Variants in PCLO observed in about 807,000 individuals in gnomAD.
PCLO encodes piccolo presynaptic cytomatrix protein, also known as protein piccolo.
Under a neutral mutation model 427.5 loss-of-function variants are expected in PCLO, and 82 were observed. The ratio of observed to expected loss-of-function variants is 0.19; its 90% confidence interval spans 0.16 to 0.23. The LOEUF is 0.23. Ranked by LOEUF, PCLO falls within the 10% of genes least tolerant of loss-of-function variation. The probability of loss-of-function intolerance (pLI) is 1.00; values close to 1 mark genes in which losing one functional copy is unlikely to be tolerated. For synonymous variants in PCLO, 2,357 were observed against 2,155.4 expected (o/e 1.09, Z -2.59); for missense variants, 6,239 against 6,115.9 (o/e 1.02, Z -0.67).
chr7:83,069,580 C>T (rs1261878923), intron 3 of PCLO, among the ~76,000 whole-genome samples: 2 of 151,980 alleles, frequency 1.3e-5, no homozygotes, highest in Admixed American at 6.6e-5. Context: ...CATATACACA[C>T]GTATTCTAAA....
At position 82,821,082 on chromosome 7, in the gene PCLO, G is replaced by C. The variant is rs1179064863; in HGVS notation, c.14791+1413C>G. ...CTTTAAATTTGGGGATGTTCTTGCT[G>C]TGTGCTTTGAACAGGGCCTTTCTGC... On this transcript the variant is annotated intron_variant, in intron 20 of 24. Transcript: ENST00000333891. 2.7e-6 allele frequency: 3 copies of C among 1,100,874 alleles called. No individual in the cohort carries two copies. The East Asian group carries it at 1.5e-4, about 57-fold the overall frequency. 68.2% of individuals were successfully genotyped at this position (1,100,874 alleles called of 1,614,324 possible).
chr7:83,013,753 T>A (rs1038803774), intron 3 of PCLO, among the ~76,000 whole-genome samples: 2 of 152,238 alleles, frequency 1.3e-5, no homozygotes, highest in Non-Finnish European at 2.9e-5. Context: ...AGTCTTCTAA[T>A]GGATTTAAAA....
At chr7:82,951,781 AT>A in intron 5 of PCLO, 74 bp downstream of exon 5, 2 of 1,510,206 alleles carry the variant, frequency 1.3e-6, no homozygotes, top group Non-Finnish European at 1.8e-6. Flanking sequence ...AAGAAGCCAC[AT>A]TTTCATCCTG....
In PCLO at chr7:82,916,847, G is replaced by T. The variant is rs987999926; in HGVS notation, c.11139C>A (p.Ser3713=). ...TTTTAACTTTTTTCTGGGCTCCAGA[G>T]GATGTCATGGTTTGAGAACCTTTAG... ...YTTKGSQTMT[S]SGAQKKVKRT... The change falls in exon 7 of 25, where the codon TCC becomes TCA. Residue 3713 remains serine, a synonymous_variant. Coordinates refer to ENST00000333891, the MANE Select transcript of PCLO (RefSeq NM_033026.6). 6 of 1,612,852 alleles carry T rather than the reference G, an allele frequency of 3.7e-6. No individual in the cohort carries two copies. Among genetic ancestry groups the T allele is most frequent in the Admixed American group, 1.7e-5 (1 of 59,902 alleles).
intron 3 of PCLO, among the ~76,000 whole-genome samples, chr7:83,128,758 T>C (rs1027382119): frequency 3.3e-5 from 5 of 152,144 alleles, no homozygotes; most frequent in Non-Finnish European, 7.4e-5. Context: ...AACTATGTTT[T>C]ACACACTCAT....
chr7:82,893,358 G>A (rs1161154933), intron 9 of PCLO, among the ~76,000 whole-genome samples: 3 of 152,014 alleles, frequency 2.0e-5, no homozygotes, highest in African/African-American at 7.2e-5. Context: ...TCATTCATAG[G>A]TGGGAACTGA....
chr7:82,898,390 T>C (rs552864535), intron 9 of PCLO, among the ~76,000 whole-genome samples: 13 of 151,542 alleles, frequency 8.6e-5, no homozygotes, highest in Non-Finnish European at 1.6e-4. Context: ...TTCTGTCTTC[T>C]ATTTTGAAAT....
intron 8 of PCLO, among the ~76,000 whole-genome samples, chr7:82,908,387 AC>A (rs1003079681): frequency 6.6e-6 from 1 of 152,092 alleles, no homozygotes; most frequent in Admixed American, 6.6e-5. Context: ...AAAATACATA[AC>A]AAAACAACTA....
intron 3 of PCLO, among the ~76,000 whole-genome samples, chr7:83,122,327 C>T (rs1791306260): frequency 6.8e-6 from 1 of 146,482 alleles, no homozygotes; most frequent in South Asian, 2.1e-4. Context: ...GCTCTATTGC[C>T]CAGGCAGGAG....
At chr7:82,885,997 C>T (rs1244817036) in intron 9 of PCLO, among the ~76,000 whole-genome samples, 1 of 152,114 alleles carries the variant, frequency 6.6e-6, no homozygotes, top group African/African-American at 2.4e-5. Context: ...GGGTAGCACA[C>T]TCCAGTCCCT....
At chr7:83,140,163 C>G (rs772618865) in intron 2 of PCLO, among the ~76,000 whole-genome samples, 12 of 152,062 alleles carry the variant, frequency 7.9e-5, no homozygotes, top group Non-Finnish European at 1.8e-4. Context: ...AGTTCAAAAT[C>G]TCATAATATT....
intron 3 of PCLO, among the ~76,000 whole-genome samples, chr7:83,026,070 C>G (rs1362844586): frequency 6.6e-6 from 1 of 151,290 alleles, no homozygotes; most frequent in African/African-American, 2.4e-5. Context: ...CACCAGCTAA[C>G]ATCATCATGA....
Position 83,134,309 on chromosome 7 carries a change from C to T in PCLO, c.3241G>A (p.Glu1081Lys). ...KDPPNFNTCT[E>K]CKNQVCNLCG... ...AGATTACACACTTGATTCTTGCATT[C>T]AGTGCAAGTATTGAAGTTAGGAGGA... The change falls in exon 3 of 25, where the codon GAA (glutamate) becomes AAA (lysine). Residue 1081 changes from glutamate (E) to lysine (K), a missense_variant. Glu to Lys is a moderately conservative substitution (Grantham distance 56, BLOSUM62 1). This residue lies in a region of PCLO where 4,677 missense variants were observed against 4,468.4 expected (regional missense o/e 1.05). Coordinates refer to ENST00000333891, the MANE Select transcript of PCLO (RefSeq NM_033026.6). 1 of 1,596,336 alleles carries T rather than the reference C, an allele frequency of 6.3e-7. No homozygotes were observed. Among genetic ancestry groups the T allele is most frequent in the Non-Finnish European group, 8.5e-7 (1 of 1,170,790 alleles).
chr7:83,001,683 T>G (rs1179734145), intron 3 of PCLO, among the ~76,000 whole-genome samples: 1 of 152,198 alleles, frequency 6.6e-6, no homozygotes, highest in East Asian at 1.9e-4. Context: ...GTGAGTGGAC[T>G]GGGCTGGGCA....
At chr7:82,909,120 C>A in intron 7 of PCLO, 107 bp from the exon 8 acceptor site, 1 of 1,041,388 alleles carries the variant, frequency 9.6e-7, no homozygotes, top group Non-Finnish European at 1.4e-6. Context: ...GTTAACCATA[C>A]ATGCATTTCA....
intron 3 of PCLO, among the ~76,000 whole-genome samples, chr7:83,008,082 G>C (rs1787992561): frequency 1.3e-5 from 2 of 151,386 alleles, no homozygotes; most frequent in African/African-American, 2.4e-5. Context: ...CCTGTTATTT[G>C]TGTAATAAAT....
At chr7:82,876,483 C>T (rs1793374728) in intron 10 of PCLO, among the ~76,000 whole-genome samples, 1 of 151,062 alleles carries the variant, frequency 6.6e-6, no homozygotes, top group African/African-American at 2.4e-5. Context: ...CACACACACA[C>T]ACACATACAC....
chr7:83,129,022 A>T (rs1791508564), intron 3 of PCLO, among the ~76,000 whole-genome samples: 1 of 152,168 alleles, frequency 6.6e-6, no homozygotes, highest in African/African-American at 2.4e-5. Context: ...AAATCCTAGC[A>T]ATTACCAACT....
In PCLO at chr7:82,950,143, C is replaced by T. The variant is rs747272853; in HGVS notation, c.10445G>A (p.Trp3482Ter). ...CCTCCTTGATCTAGTAGGCATATCC[C>T]ACTCATCCTGATCTTCATCATCAGT... ...VQTDDEDQDEWDMPTRSRRKA... is the reference protein window; with the variant it reads ...VQTDDEDQDE Residue 3482 changes from tryptophan to a stop codon, truncating the protein, a stop_gained, in exon 6 of 25, where the codon TGG becomes TAG. Coordinates refer to ENST00000333891, the MANE Select transcript of PCLO (RefSeq NM_033026.6). LOFTEE classifies it high-confidence loss of function. 1 of 1,610,330 alleles carries T rather than the reference C, an allele frequency of 6.2e-7. No homozygotes were observed. Among genetic ancestry groups the T allele is most frequent in the Non-Finnish European group, 8.5e-7 (1 of 1,179,260 alleles).
Sources: allele counts gnomAD v4.1 joint callset (sites outside exome capture counted in the v4.1 genomes callset), GRCh38; gene constraint gnomAD v4.1.1; regional missense constraint gnomAD v4.1.1; transcripts MANE v1.5; gene names NCBI Gene and HGNC (gene_info 2026-07-23, HGNC 2026-07-21).